The following BNIP1 variants were observed in gnomAD, a reference collection of about 807,000 sequenced individuals.
BNIP1 encodes vesicle transport protein SEC20.
Under a neutral mutation model 28.5 loss-of-function variants are expected in BNIP1, and 25 were observed. The ratio of observed to expected loss-of-function variants is 0.88; its 90% CI spans 0.64 to 1.23. The LOEUF (loss-of-function observed/expected upper bound fraction) is 1.23, where lower values mean the gene tolerates loss of function less well. Among genes scored for constraint, BNIP1 ranks in the 50% most tolerant of loss-of-function variants. The probability of loss-of-function intolerance (pLI) is 0.00; values close to 1 mark genes in which losing one functional copy is unlikely to be tolerated. For missense variants in BNIP1, 276 were observed against 277.0 expected, an observed-to-expected ratio of 1.00 and a Z score of 0.02; for synonymous variants, 118 against 101.7, an observed-to-expected ratio of 1.16 and a Z score of -0.96.
At chr5:173,160,841 G>T (rs112794706) in intron 5 of BNIP1, 3 of 456,228 alleles carry the variant, frequency 6.6e-6, no homozygotes, top group African/African-American at 4.0e-5. Context: ...TAAAAGATGT[G>T]AATCAGAGGC....
chr5:173,156,659 T>C (rs1009330087), intron 3 of BNIP1, among the ~76,000 whole-genome samples: 6 of 150,028 alleles, frequency 4.0e-5, no homozygotes, highest in Non-Finnish European at 1.5e-5. Flanking sequence ...TGTTTTTTTT[T>C]TTTTTTGAGA....
Position 173,159,944 on chromosome 5 carries a change from A to G in BNIP1, c.383A>G (p.Lys128Arg). 6.2e-7 allele frequency: 1 copy of G among 1,613,994 alleles called. No homozygotes were observed. The highest frequency in any genetic ancestry group is 8.5e-7 in the Non-Finnish European group (1 of 1,179,950). The change falls in exon 5 of 6, where the codon AAA becomes AGA. Residue 128 changes from lysine to arginine, a missense_variant. Physicochemically the swap from Lys to Arg is conservative, Grantham distance 26. Coordinates refer to ENST00000351486, the MANE Select transcript of BNIP1 (RefSeq NM_001205.3). ...CTCTGAACTTTTAGGAAAACCACCA[A>G]AGAGAGCCTGGCCCAGACATCCAGT... Reference protein sequence around the residue: ...GDLLRQRKTTKESLAQTSSTI... With the variant: ...GDLLRQRKTTRESLAQTSSTI...
chr5:173,160,166 G>A, intron 5 of BNIP1, 115 bp downstream of exon 5: 1 of 934,752 alleles, frequency 1.1e-6, no homozygotes, highest in Non-Finnish European at 1.7e-6. Context: ...TCACTGACTT[G>A]GGTGGCTTCT....
intron 1 of BNIP1, among the ~76,000 whole-genome samples, chr5:173,145,480 C>A (rs561386713): frequency 8.5e-5 from 13 of 152,336 alleles, no homozygotes; most frequent in African/African-American, 3.1e-4. Context: ...CGACTCGCGG[C>A]AAGCTCCGCC....
intron 5 of BNIP1, chr5:173,161,298 G>A (rs1760355048): frequency 6.5e-6 from 1 of 154,462 alleles, no homozygotes; most frequent in Non-Finnish European, 1.4e-5. Flanking sequence ...GAAGCAAAAG[G>A]AAAGCAAGCA....
chr5:173,154,489 C>T, intron 3 of BNIP1, 76 bp downstream of exon 3: 1 of 1,166,848 alleles, frequency 8.6e-7, no homozygotes. Flanking sequence ...GTGTGTTTGC[C>T]TGATGGATCT....
At chr5:173,145,178 C>G (rs1759797215) in intron 1 of BNIP1, 1 of 154,056 alleles carries the variant, frequency 6.5e-6, no homozygotes, top group Admixed American at 6.4e-5. Flanking sequence ...AGAAGGCATA[C>G]CTGGGTCAGT....
chr5:173,154,334 T>C lies in BNIP1; in HGVS notation c.190T>C (p.Leu64=), dbSNP rs1420191101. 1 of 1,613,666 alleles carries C rather than the reference T, an allele frequency of 6.2e-7. No individual in the cohort carries two copies. Among genetic ancestry groups the C allele is most frequent in the East Asian group, 2.2e-5 (1 of 44,882 alleles). Residue 64 remains leucine (L), a synonymous_variant, in exon 3 of 6, where the codon TTG becomes CTG. Transcript: ENST00000351486. ...TTTTTCCTCAAAGGACCTGGAGCAG[T>C]TGGCTAAAGAGCAAGACAAAGAATC... ...LRHRIQDLEQ[L]AKEQDKESEK...
At chr5:173,148,095 T>A (rs1253764310) in intron 2 of BNIP1, among the ~76,000 whole-genome samples, 526 of 24,022 alleles carry the variant, frequency 0.022, 16 homozygotes, top group African/African-American at 0.038. Context: ...TATATATATA[T>A]ATATATATAT....
intron 3 of BNIP1, 90 bp from the exon 4 acceptor site, chr5:173,158,654 T>A (rs1294003953): frequency 4.9e-6 from 5 of 1,012,082 alleles, no homozygotes; most frequent in Non-Finnish European, 7.4e-6. Flanking sequence ...CCTTCTCCCG[T>A]GTGCCTTTGT....
Position 173,152,847 on chromosome 5 carries a change from A to G in BNIP1, c.178-1475A>G, listed in dbSNP as rs72816160. 2.6e-3 allele frequency among the ~76,000 whole-genome samples: 389 copies of G among 152,324 alleles called. 1 individual carries two copies. The highest frequency in any genetic ancestry group is 4.5e-3 in the Non-Finnish European group (306 of 68,038). On this transcript the variant is annotated intron_variant, in intron 2 of 5. Transcript: ENST00000351486. Reference sequence around the variant, plus strand: ...ATACACAAACTTGTTCCAAACCAGTATGTGCAAATTGATACGTAAATCAGT... The same window carrying G: ...ATACACAAACTTGTTCCAAACCAGTGTGTGCAAATTGATACGTAAATCAGT...
intron 3 of BNIP1, among the ~76,000 whole-genome samples, chr5:173,154,820 C>G (rs931934839): frequency 6.6e-6 from 1 of 152,178 alleles, no homozygotes; most frequent in African/African-American, 2.4e-5. Context: ...CCACGCCCAG[C>G]CAATTGCATC....
chr5:173,152,443 G>C (rs899354104), intron 2 of BNIP1, among the ~76,000 whole-genome samples: 1 of 151,402 alleles, frequency 6.6e-6, no homozygotes, highest in Non-Finnish European at 1.5e-5. Flanking sequence ...TCCACTTCCC[G>C]GGTTCACGCC....
chr5:173,163,611 C>T (rs555939157), intron 5 of BNIP1, 114 bp from the exon 6 acceptor site: 6 of 961,556 alleles, frequency 6.2e-6, no homozygotes, highest in African/African-American at 3.3e-5. Flanking sequence ...GATTCCAGCT[C>T]AGAGGAACTC....
At chr5:173,157,094 G>A (rs935407730) in intron 3 of BNIP1, among the ~76,000 whole-genome samples, 1 of 152,124 alleles carries the variant, frequency 6.6e-6, no homozygotes, top group African/African-American at 2.4e-5. Context: ...TGAATGTGAG[G>A]TGGTTGAGGA....
At chr5:173,147,701 A>G (rs1388472234) in intron 2 of BNIP1, among the ~76,000 whole-genome samples, 2 of 152,042 alleles carry the variant, frequency 1.3e-5, no homozygotes, top group Non-Finnish European at 2.9e-5. Context: ...TGCTGTCTCA[A>G]AAAACACTAG....
intron 3 of BNIP1, among the ~76,000 whole-genome samples, chr5:173,156,219 A>G (rs1760181310): frequency 6.6e-6 from 1 of 152,168 alleles, no homozygotes; most frequent in South Asian, 2.1e-4. Flanking sequence ...GATTATAAAC[A>G]CTGAGTACAG....
chr5:173,153,940 G>C (rs1760104733), intron 2 of BNIP1, among the ~76,000 whole-genome samples: 1 of 152,202 alleles, frequency 6.6e-6, no homozygotes, highest in African/African-American at 2.4e-5. Context: ...GAAATGAACA[G>C]CAGTTTGATA....
chr5:173,159,178 C>T (rs1469144881), intron 4 of BNIP1, among the ~76,000 whole-genome samples: 2 of 152,092 alleles, frequency 1.3e-5, no homozygotes, highest in African/African-American at 4.8e-5. Flanking sequence ...TCTGGGATTA[C>T]AGTTGCGTGC....
Sources: gnomAD v4.1 joint callset for allele counts (sites outside exome capture counted in the v4.1 genomes callset) on GRCh38, gnomAD v4.1.1 for gene constraint, MANE v1.5 for transcripts, NCBI Gene and HGNC (gene_info 2026-07-23, HGNC 2026-07-21) for gene names.